The following STK3 variants were observed in gnomAD, a reference collection of about 807,000 sequenced individuals.
The protein encoded by STK3 is serine/threonine kinase 3, also known as serine/threonine-protein kinase 3.
A neutral mutation model predicts 58.0 loss-of-function variants in STK3; 41 were observed. That is an observed-to-expected ratio of 0.71 (90% CI 0.55 to 0.92). The LOEUF (loss-of-function observed/expected upper bound fraction) is 0.92. Among genes scored for constraint, STK3 ranks in the 40% least tolerant of loss-of-function variants. The pLI is 0.00. For synonymous variants in STK3, 170 were observed against 191.0 expected, an observed-to-expected ratio of 0.89 and a Z score of 0.91; for missense variants, 479 against 602.7, an observed-to-expected ratio of 0.79 and a Z score of 2.15.
intron 3 of STK3, among the ~76,000 whole-genome samples, chr8:98,757,910 G>A (rs1830394770): frequency 6.6e-6 from 1 of 152,212 alleles, no homozygotes; most frequent in Admixed American, 6.5e-5. Context: ...GAGCAGGATT[G>A]TCAAGGATCA....
At chr8:98,694,594 T>C (rs1018048374) in intron 6 of STK3, among the ~76,000 whole-genome samples, 1 of 152,160 alleles carries the variant, frequency 6.6e-6, no homozygotes, top group Non-Finnish European at 1.5e-5. Flanking sequence ...AGTGAGAACA[T>C]GTGGTGTTTG....
intron 1 of STK3, among the ~76,000 whole-genome samples, chr8:98,805,497 C>T (rs552583535): frequency 3.3e-5 from 5 of 152,174 alleles, no homozygotes; most frequent in Admixed American, 3.3e-4. Flanking sequence ...ATTGCTTGAA[C>T]CCAGGAGGCA....
chr8:98,923,854 T>TGTGCGCGC (rs1491486943), intron 1 of STK3, among the ~76,000 whole-genome samples: 13 of 113,690 alleles, frequency 1.1e-4, no homozygotes, highest in East Asian at 7.0e-4. Flanking sequence ...TGTGTGTGTG[T>TGTGCGCGC]GCGCGCGCGC....
At chr8:98,891,940 A>T (rs531783958) in intron 1 of STK3, among the ~76,000 whole-genome samples, 1 of 152,182 alleles carries the variant, frequency 6.6e-6, no homozygotes, top group Non-Finnish European at 1.5e-5. Context: ...AAACTCTCCC[A>T]GTCCTAGCAT....
At position 98,871,212 on chromosome 8, in the gene STK3, T is replaced by G. The variant is rs562345468; in HGVS notation, c.110+12435A>C. The stretch of plus-strand genomic sequence containing the variant: ...TGTTCCATTGGTCCATATCTCTGTT[T>G]TGGTACCAGTACCATGCTGTTTTGA... On this transcript the variant is annotated intron_variant, in intron 3 of 12. Coordinates refer to the STK3 transcript ENST00000523601. 2.0e-5 allele frequency among the ~76,000 whole-genome samples: 3 copies of G among 152,344 alleles called. No homozygotes were observed. The East Asian group carries it at 5.8e-4, about 29-fold the overall frequency.
At chr8:98,787,901 C>G (rs1398068835) in intron 1 of STK3, among the ~76,000 whole-genome samples, 1 of 152,134 alleles carries the variant, frequency 6.6e-6, no homozygotes, top group South Asian at 2.1e-4. Context: ...TTTGCCACTA[C>G]CAAGCCAGCA....
chr8:98,804,642 C>G (rs1833793675), intron 1 of STK3, among the ~76,000 whole-genome samples: 1 of 152,172 alleles, frequency 6.6e-6, no homozygotes, highest in African/African-American at 2.4e-5. Context: ...CTTTGAAATA[C>G]ACTATTACAA....
intron 10 of STK3, among the ~76,000 whole-genome samples, chr8:98,472,683 G>A (rs1002086392): frequency 3.9e-5 from 6 of 152,042 alleles, no homozygotes; most frequent in East Asian, 1.9e-4. Flanking sequence ...ATGACTGAAT[G>A]CATTATGAAT....
intron 1 of STK3, among the ~76,000 whole-genome samples, chr8:98,935,553 A>T (rs1840165217): frequency 6.6e-6 from 1 of 152,226 alleles, no homozygotes; most frequent in South Asian, 2.1e-4. Flanking sequence ...TTCATTATAG[A>T]TTCACTCCAT....
chr8:98,703,729 C>G (rs1825776551), intron 6 of STK3, among the ~76,000 whole-genome samples: 1 of 151,934 alleles, frequency 6.6e-6, no homozygotes, highest in African/African-American at 2.4e-5. Flanking sequence ...AAAACCCAAA[C>G]CCTCCATATC....
chr8:98,646,321 C>A (rs898319033), intron 6 of STK3, among the ~76,000 whole-genome samples: 4 of 152,178 alleles, frequency 2.6e-5, no homozygotes, highest in African/African-American at 4.8e-5. Context: ...GACCTAGTTC[C>A]CAGAAAACAC....
intron 1 of STK3, among the ~76,000 whole-genome samples, chr8:98,443,032 T>C (rs904330040): frequency 6.6e-5 from 10 of 151,994 alleles, no homozygotes; most frequent in Non-Finnish European, 1.3e-4. Flanking sequence ...TCTGTTTTTC[T>C]CATTTTTGTA....
chr8:98,647,367 A>C (rs1369460660), intron 6 of STK3, among the ~76,000 whole-genome samples: 1 of 152,132 alleles, frequency 6.6e-6, no homozygotes, highest in Non-Finnish European at 1.5e-5. Context: ...TGGCTTTCTC[A>C]TATTCTATAT....
At chr8:98,802,409 A>C (rs1320545404) in intron 1 of STK3, among the ~76,000 whole-genome samples, 1 of 152,210 alleles carries the variant, frequency 6.6e-6, no homozygotes, top group Non-Finnish European at 1.5e-5. Context: ...TGCATGCTAC[A>C]AGTTAAGAAC....
intron 3 of STK3, among the ~76,000 whole-genome samples, chr8:98,837,363 C>CAAAAAAAAAAAAAAAAAA (rs533620773): frequency 1.6e-5 from 1 of 63,296 alleles, no homozygotes. Context: ...TGGAGCTCAG[C>CAAAAAAAAAAAAAAAAAA]AAAAAAAAAA....
intron 7 of STK3, among the ~76,000 whole-genome samples, chr8:98,585,557 T>G (rs1476326120): frequency 6.7e-6 from 1 of 149,172 alleles, no homozygotes; most frequent in Non-Finnish European, 1.5e-5. Context: ...TCTTTTGGCT[T>G]AGGATTGACT....
rs766661256 is a variant in STK3, at chr8:98,940,678, C to G, written c.-79+1700G>C. 8.9e-4 allele frequency among the ~76,000 whole-genome samples: 135 copies of G among 152,342 alleles called. 1 individual carries two copies. Among genetic ancestry groups the G allele is most frequent in the Non-Finnish European group, 9.0e-4 (61 of 68,034 alleles). On this transcript the variant is annotated intron_variant, in intron 1 of 1. Transcript: ENST00000519420. ...GGGAAACCCCTCTGCATCTCCCGCC[C>G]GGACAAGGTCCCCGGCCTTGGAATC...
intron 2 of STK3, among the ~76,000 whole-genome samples, chr8:98,374,659 A>G (rs938205313): frequency 6.6e-6 from 1 of 152,188 alleles, no homozygotes; most frequent in African/African-American, 2.4e-5. Context: ...AACATCAGCT[A>G]AAACAGATCC....
chr8:98,546,854 T>C (rs1016402860), intron 9 of STK3, among the ~76,000 whole-genome samples: 2 of 152,174 alleles, frequency 1.3e-5, no homozygotes, highest in Admixed American at 1.3e-4. Flanking sequence ...TTACATTTTG[T>C]GCTTCATGAT....
Sources: allele counts gnomAD v4.1 joint callset (sites outside exome capture counted in the v4.1 genomes callset), GRCh38; gene constraint gnomAD v4.1.1; transcripts MANE v1.5; gene names NCBI Gene and HGNC (gene_info 2026-07-23, HGNC 2026-07-21).